UNC80: variants seen among roughly 807,000 people sequenced by gnomAD.
The protein encoded by UNC80 is protein unc-80 homolog.
In UNC80, 164 loss-of-function variants were observed where a neutral mutation model predicts 384.6. That is an observed-to-expected ratio of 0.43 (90% CI 0.38 to 0.49). The LOEUF is 0.49. Among genes scored for constraint, UNC80 ranks in the 20% least tolerant of loss-of-function variants. UNC80 has a pLI of 0.00. For synonymous variants in UNC80, 1,486 were observed against 1,527.8 expected, an observed-to-expected ratio of 0.97 and a Z score of 0.64; for missense variants, 3,330 against 4,143.0, an observed-to-expected ratio of 0.80 and a Z score of 5.39.
rs770636939 is a variant in UNC80, at chr2:209,872,871, C to T, written c.3741C>T (p.Thr1247=). Residue 1247 remains threonine, a synonymous_variant, in exon 23 of 65, where the codon ACC becomes ACT. Coordinates refer to ENST00000673920, the MANE Select transcript of UNC80 (RefSeq NM_001371986.1). The surrounding 1 kb of genome is among the most constrained non-coding windows in gnomAD (Gnocchi z 4.1). ...EWMKGHHVNI[T]KKGLSRGRSP... Reference sequence around the variant, plus strand: ...TGAAAGGGCACCACGTGAACATCACCAAGAAAGGACTTTCCCGGGGACGCT... The same window carrying T: ...TGAAAGGGCACCACGTGAACATCACTAAGAAAGGACTTTCCCGGGGACGCT... 7 of 1,551,460 alleles carry T rather than the reference C, an allele frequency of 4.5e-6. No homozygotes were observed. The highest frequency in any genetic ancestry group is 2.4e-5 in the South Asian group (2 of 84,048).
chr2:209,833,914 G>T, intron 16 of UNC80, 88 bp from the exon 17 acceptor site: 1 of 1,330,180 alleles, frequency 7.5e-7, no homozygotes, highest in Non-Finnish European at 1.0e-6. Context: ...CTAAGCCTAA[G>T]GAATTACTTT....
intron 22 of UNC80, among the ~76,000 whole-genome samples, chr2:209,864,436 C>G (rs1347690885): frequency 1.3e-5 from 2 of 152,160 alleles, no homozygotes; most frequent in Non-Finnish European, 2.9e-5. Flanking sequence ...TTCCTCAGAG[C>G]TATCTCAGGG....
intron 15 of UNC80, 63 bp from the exon 16 acceptor site, chr2:209,831,380 T>G (rs1268207337): frequency 6.7e-7 from 1 of 1,490,428 alleles, no homozygotes; most frequent in Non-Finnish European, 9.0e-7. Flanking sequence ...AGTACTGCCT[T>G]ACTCCTACCC....
At chr2:209,855,973 T>C (rs561081338) in intron 22 of UNC80, among the ~76,000 whole-genome samples, 1 of 152,124 alleles carries the variant, frequency 6.6e-6, no homozygotes, top group Non-Finnish European at 1.5e-5. Flanking sequence ...TGGGTCTCTA[T>C]TCATATATAG....
chr2:209,891,930 A>G (rs1216640919), intron 26 of UNC80, among the ~76,000 whole-genome samples: 2 of 152,192 alleles, frequency 1.3e-5, no homozygotes, highest in Admixed American at 6.5e-5. Flanking sequence ...CTTGAAATAA[A>G]CACGCTGAGG....
chr2:209,931,459 T>C (rs2124966470), intron 38 of UNC80, among the ~76,000 whole-genome samples: 1 of 152,046 alleles, frequency 6.6e-6, no homozygotes, highest in African/African-American at 2.4e-5. Context: ...TGTGTATATA[T>C]TTTTGCATGG....
chr2:209,984,921 T>A lies in UNC80; in HGVS notation c.9314+9T>A. 1 of 1,550,244 alleles carries A rather than the reference T, an allele frequency of 6.5e-7. No individual in the cohort carries two copies. Among genetic ancestry groups the A allele is most frequent in the Non-Finnish European group, 8.7e-7 (1 of 1,146,280 alleles). On this transcript the variant is annotated intron_variant, in intron 61 of 64. Transcript: ENST00000673920. ...GAGGGCAGCCTCTCTAGGTACAGTG[T>A]CAATGCTACCTGTCTATTGGTGTCT...
chr2:209,918,455 A>G (rs2089743964), intron 32 of UNC80, 77 bp from the exon 33 acceptor site: 3 of 1,449,590 alleles, frequency 2.1e-6, no homozygotes, highest in Non-Finnish European at 2.8e-6. Context: ...CCTGAGACAG[A>G]TTGTGTCATC....
chr2:209,950,484 T>C (rs763542782), intron 47 of UNC80, among the ~76,000 whole-genome samples: 1 of 152,018 alleles, frequency 6.6e-6, no homozygotes, highest in Non-Finnish European at 1.5e-5. Context: ...TATTTGGGGC[T>C]TTGTTGATTT....
intron 11 of UNC80, among the ~76,000 whole-genome samples, chr2:209,818,700 T>G (rs975672477): frequency 1.3e-5 from 2 of 152,236 alleles, no homozygotes; most frequent in African/African-American, 2.4e-5. Context: ...AATTCATCCA[T>G]TCTGATCAAC....
rs555375903 is a variant in UNC80, at chr2:209,904,903, G to A, written c.4720G>A (p.Asp1574Asn). The A allele has an allele frequency of 3.9e-6, 6 of 1,551,784 alleles. No homozygotes were observed. In the South Asian group the frequency reaches 7.1e-5, roughly 18 times the overall value. Reference protein sequence around the residue: ...AIKLLYGDSVDSLRESSNISS... With the variant: ...AIKLLYGDSVNSLRESSNISS... The stretch of plus-strand genomic sequence containing the variant: ...CAAGCTACTCTATGGAGACAGTGTG[G>A]ACTCCCTGAGGGAAAGCAGCAACAT... The change falls in exon 29 of 65, where the codon GAC becomes AAC. Residue 1574 changes from aspartate (D) to asparagine (N), a missense_variant. By Grantham distance (23) the Asp-to-Asn change is conservative. Around this residue, in one of 8 missense-constraint regions of UNC80, gnomAD observed 801 missense variants for 950.8 expected, o/e 0.84. Transcript: ENST00000673920.
chr2:209,836,414 A>G (rs2081338766), intron 18 of UNC80, among the ~76,000 whole-genome samples: 1 of 152,208 alleles, frequency 6.6e-6, no homozygotes. Flanking sequence ...ATGATCGAAT[A>G]GCCAAATTGG....
rs982121969 is a variant in UNC80, at chr2:209,994,199, G to A, written c.9643G>A (p.Glu3215Lys). The A allele has an allele frequency of 9.7e-6, 15 of 1,551,184 alleles. No homozygotes were observed. The highest frequency in any genetic ancestry group is 3.9e-5 in the Admixed American group (2 of 50,944). The change falls in exon 64 of 65, where the codon GAA becomes AAA. Residue 3215 changes from glutamate to lysine, a missense_variant. Coordinates refer to ENST00000673920, the MANE Select transcript of UNC80 (RefSeq NM_001371986.1). ...TTCTAGGAAACCAGAAGCAATGGACGAACCAGTCCTCACATCTTCTCCCGC... is the reference window on the plus strand; with the variant it reads ...TTCTAGGAAACCAGAAGCAATGGACAAACCAGTCCTCACATCTTCTCCCGC... ...APSRKPEAMDEPVLTSSPAIV... is the reference protein window; with the variant it reads ...APSRKPEAMDKPVLTSSPAIV...
chr2:209,919,591 A>G (rs993196356), intron 33 of UNC80, among the ~76,000 whole-genome samples: 1 of 152,240 alleles, frequency 6.6e-6, no homozygotes, highest in African/African-American at 2.4e-5. Flanking sequence ...TTAGTTGAAT[A>G]TATGAAATTA....
chr2:209,833,935 A>C (rs1220728249), intron 16 of UNC80, 67 bp from the exon 17 acceptor site: 6 of 1,490,840 alleles, frequency 4.0e-6, no homozygotes, highest in Non-Finnish European at 5.4e-6. Context: ...CTTCCTCTCT[A>C]CCTGGAAAAA....
intron 25 of UNC80, among the ~76,000 whole-genome samples, chr2:209,887,657 C>T (rs531332429): frequency 6.6e-6 from 1 of 152,210 alleles, no homozygotes; most frequent in East Asian, 1.9e-4. Context: ...CACTTGTTTG[C>T]CTTCTCAGTT....
intron 48 of UNC80, among the ~76,000 whole-genome samples, chr2:209,955,825 C>T (rs2092393827): frequency 1.3e-5 from 2 of 149,172 alleles, no homozygotes; most frequent in Non-Finnish European, 3.0e-5. Context: ...CTCACTGCAA[C>T]CTCCGCCTCC....
Position 209,941,141 on chromosome 2 carries a change from C to T in UNC80, c.6647-80C>T, listed in dbSNP as rs1030232575. ...AGCTGGAACAAACGGAGAACAGCAG[C>T]GCCTTGGGTTTGATCACCTCTCATG... On this transcript the variant is annotated intron_variant, in intron 43 of 64. Coordinates refer to ENST00000673920, the MANE Select transcript of UNC80 (RefSeq NM_001371986.1). 19 of 1,407,488 alleles carry T rather than the reference C, an allele frequency of 1.3e-5. 1 individual carries two copies. The South Asian group carries it at 2.0e-4, about 15-fold the overall frequency. The allele number at this position is 1,407,488 out of a possible 1,614,324, so 87.2% of individuals were successfully genotyped here. A position where few individuals can be genotyped will look rare whatever the true frequency, so the allele number is the denominator to read the frequency against.
intron 28 of UNC80, among the ~76,000 whole-genome samples, chr2:209,899,328 T>C (rs1264483424): frequency 6.6e-6 from 1 of 152,158 alleles, no homozygotes; most frequent in Non-Finnish European, 1.5e-5. Context: ...TAATGGTGTG[T>C]CAATATAAGT....
Sources: gnomAD v4.1 joint callset for allele counts (sites outside exome capture counted in the v4.1 genomes callset) on GRCh38, gnomAD v4.1.1 for gene constraint, gnomAD v4.1.1 regional missense constraint, Gnocchi (gnomAD v3.1) non-coding constraint, MANE v1.5 for transcripts, NCBI Gene and HGNC (gene_info 2026-07-23, HGNC 2026-07-21) for gene names.